The following DYNC1I2 variants were observed in gnomAD, a reference collection of about 807,000 sequenced individuals.
The protein encoded by DYNC1I2 is dynein cytoplasmic 1 intermediate chain 2, also known as cytoplasmic dynein 1 intermediate chain 2.
A neutral mutation model predicts 88.6 loss-of-function variants in DYNC1I2; 53 were observed. The ratio of observed to expected loss-of-function variants is 0.60; its 90% CI spans 0.48 to 0.75. The LOEUF (loss-of-function observed/expected upper bound fraction) is 0.75, where lower values mean the gene tolerates loss of function less well. Ranked by LOEUF, DYNC1I2 falls within the 30% of genes least tolerant of loss-of-function variation. The pLI, the probability that DYNC1I2 is intolerant of heterozygous loss-of-function variation, is 0.00. For synonymous variants in DYNC1I2, 198 were observed against 254.6 expected (o/e 0.78, Z 2.12); for missense variants, 458 against 766.6 (o/e 0.60, Z 4.75).
chr2:171,737,326 C>T (rs1319365280), intron 15 of DYNC1I2, among the ~76,000 whole-genome samples: 1 of 152,210 alleles, frequency 6.6e-6, no homozygotes, highest in Non-Finnish European at 1.5e-5. Flanking sequence ...TCTGCAAAGG[C>T]CCTGTTTCCA....
chr2:171,697,684 C>G (rs932961637), intron 3 of DYNC1I2, among the ~76,000 whole-genome samples: 1 of 125,008 alleles, frequency 8.0e-6, no homozygotes, highest in African/African-American at 2.9e-5. Context: ...CCTGTCTCTA[C>G]AAAAAAAAAA....
In DYNC1I2 at chr2:171,748,805, G is replaced by A. The variant is rs1335915339; in HGVS notation, c.*916G>A. Reference sequence around the variant, plus strand: ...TGATTTCAGTAGCCATAAAGGCAAAGTGCTCAAATGGACCCATACTTTGGC... The same window carrying A: ...TGATTTCAGTAGCCATAAAGGCAAAATGCTCAAATGGACCCATACTTTGGC... On this transcript the variant is annotated 3_prime_UTR_variant, in exon 18 of 18. Coordinates refer to ENST00000397119, the MANE Select transcript of DYNC1I2 (RefSeq NM_001378.3). Among the ~76,000 whole-genome samples the A allele has an allele frequency of 6.6e-6, 1 of 152,184 alleles. No individual in the cohort carries two copies. Among genetic ancestry groups the A allele is most frequent in the African/African-American group, 2.4e-5 (1 of 41,460 alleles).
intron 15 of DYNC1I2, among the ~76,000 whole-genome samples, chr2:171,739,622 A>G (rs933256935): frequency 1.4e-5 from 2 of 146,820 alleles, no homozygotes; most frequent in African/African-American, 2.5e-5. Context: ...TCAGTGTTCA[A>G]TTTTTTTTTT....
At chr2:171,739,696 C>CTTTTTTTT (rs201750115) in intron 15 of DYNC1I2, among the ~76,000 whole-genome samples, 1 of 65,038 alleles carries the variant, frequency 1.5e-5, no homozygotes, top group Non-Finnish European at 2.9e-5. Context: ...TGACATATCT[C>CTTTTTTTT]TTTTTTTTTT....
chr2:171,731,325 C>T (rs113809124), intron 15 of DYNC1I2, among the ~76,000 whole-genome samples: 2,343 of 152,330 alleles, frequency 0.015, 52 homozygotes, highest in African/African-American at 0.051. Context: ...GAATTCAAAA[C>T]TCTTTGAGCG....
intron 15 of DYNC1I2, among the ~76,000 whole-genome samples, chr2:171,734,126 G>C (rs1017283937): frequency 3.9e-5 from 6 of 152,104 alleles, no homozygotes; most frequent in Non-Finnish European, 7.4e-5. Flanking sequence ...TCTTATTTCT[G>C]GGTTCCCTAT....
At chr2:171,722,374 C>G (rs1411997500) in intron 7 of DYNC1I2, among the ~76,000 whole-genome samples, 1 of 152,122 alleles carries the variant, frequency 6.6e-6, no homozygotes, top group Non-Finnish European at 1.5e-5. Flanking sequence ...CTTTTATGCA[C>G]TCTTTACTGC....
At chr2:171,706,116 A>G (rs146223503) in intron 3 of DYNC1I2, among the ~76,000 whole-genome samples, 144 of 152,240 alleles carry the variant, frequency 9.5e-4, no homozygotes, top group African/African-American at 3.4e-3. Context: ...GAATGTGACT[A>G]TCCTAAAAAA....
At chr2:171,710,118 T>TACAC (rs1225824350) in intron 5 of DYNC1I2, among the ~76,000 whole-genome samples, 2 of 72,682 alleles carry the variant, frequency 2.8e-5, no homozygotes, top group Non-Finnish European at 5.6e-5. Context: ...TTTTTATGTA[T>TACAC]ATATACACAC....
intron 3 of DYNC1I2, among the ~76,000 whole-genome samples, chr2:171,694,962 A>T (rs551830754): frequency 8.5e-5 from 13 of 152,252 alleles, no homozygotes; most frequent in Admixed American, 3.3e-4. Flanking sequence ...TCAATGGCCC[A>T]TCTCCATCAT....
At chr2:171,746,992 G>A (rs896736159) in intron 17 of DYNC1I2, among the ~76,000 whole-genome samples, 5 of 151,634 alleles carry the variant, frequency 3.3e-5, no homozygotes, top group African/African-American at 1.2e-4. Flanking sequence ...TCAGGAGTTC[G>A]AGACCAGCCT....
At chr2:171,717,662 G>A (rs11887208) in intron 7 of DYNC1I2, among the ~76,000 whole-genome samples, 119,713 of 152,018 alleles carry the variant, frequency 0.79, 48,147 homozygotes, top group East Asian at 0.89. Flanking sequence ...ATATTATTTT[G>A]TTAACTAGTA....
At chr2:171,725,199 C>T (rs1688155826) in intron 7 of DYNC1I2, among the ~76,000 whole-genome samples, 1 of 152,200 alleles carries the variant, frequency 6.6e-6, no homozygotes, top group Non-Finnish European at 1.5e-5. Context: ...TGATTTTCCT[C>T]ATTCTACAGC....
At chr2:171,707,230 A>G (rs1344957515) in intron 4 of DYNC1I2, 57 bp from the exon 5 acceptor site, 4 of 1,612,942 alleles carry the variant, frequency 2.5e-6, no homozygotes, top group Non-Finnish European at 8.5e-7. Context: ...GAAACGTCAT[A>G]AGCTGAGCAA....
intron 3 of DYNC1I2, among the ~76,000 whole-genome samples, chr2:171,701,605 G>C (rs1422567396): frequency 6.6e-6 from 1 of 152,162 alleles, no homozygotes; most frequent in African/African-American, 2.4e-5. Flanking sequence ...TTAAGCCATG[G>C]AGAGATAATT....
At chr2:171,724,882 G>A (rs892510658) in intron 7 of DYNC1I2, among the ~76,000 whole-genome samples, 3 of 152,216 alleles carry the variant, frequency 2.0e-5, no homozygotes, top group Admixed American at 6.5e-5. Context: ...TGGGATGTAA[G>A]AGATTTAGTA....
intron 11 of DYNC1I2, 127 bp downstream of exon 11, chr2:171,727,043 C>A: frequency 9.5e-7 from 1 of 1,047,946 alleles, no homozygotes; most frequent in Non-Finnish European, 1.3e-6. Flanking sequence ...TAAACCACTC[C>A]ATATTTGCAA....
intron 15 of DYNC1I2, 25 bp from the exon 16 acceptor site, chr2:171,744,024 C>T (rs1440549801): frequency 6.3e-7 from 1 of 1,598,938 alleles, no homozygotes; most frequent in Admixed American, 1.7e-5. Flanking sequence ...ATGGACTGTG[C>T]TAAGAATCAA....
intron 5 of DYNC1I2, among the ~76,000 whole-genome samples, chr2:171,707,890 A>G (rs2105546862): frequency 6.6e-6 from 1 of 152,332 alleles, no homozygotes; most frequent in South Asian, 2.1e-4. Context: ...CAACATTGAG[A>G]ATGTTTACTG....
Sources: gnomAD v4.1 joint callset for allele counts (sites outside exome capture counted in the v4.1 genomes callset) on GRCh38, gnomAD v4.1.1 for gene constraint, MANE v1.5 for transcripts, NCBI Gene and HGNC (gene_info 2026-07-23, HGNC 2026-07-21) for gene names.